The following CNTNAP5 variants were observed in gnomAD, a reference collection of about 807,000 sequenced individuals.
CNTNAP5 encodes contactin associated protein family member 5.
In CNTNAP5, 72 loss-of-function variants were observed where a neutral mutation model predicts 150.2. The ratio of observed to expected loss-of-function variants is 0.48; its 90% confidence interval spans 0.40 to 0.58. The LOEUF (loss-of-function observed/expected upper bound fraction) is 0.58, where lower values mean the gene tolerates loss of function less well. Among genes scored for constraint, CNTNAP5 ranks in the 20% least tolerant of loss-of-function variants. CNTNAP5 has a pLI of 0.00. For synonymous variants in CNTNAP5, 672 were observed against 619.8 expected, an observed-to-expected ratio of 1.08 and a Z score of -1.25; for missense variants, 1,636 against 1,626.2, an observed-to-expected ratio of 1.01 and a Z score of -0.10.
At chr2:124,570,083 T>C (rs890322824) in intron 11 of CNTNAP5, among the ~76,000 whole-genome samples, 2 of 152,126 alleles carry the variant, frequency 1.3e-5, no homozygotes, top group Non-Finnish European at 2.9e-5. Flanking sequence ...TTAGTGGAAA[T>C]TCCATAAGAA....
intron 3 of CNTNAP5, among the ~76,000 whole-genome samples, chr2:124,375,572 G>A (rs1690626890): frequency 6.6e-6 from 1 of 152,108 alleles, no homozygotes; most frequent in South Asian, 2.1e-4. Flanking sequence ...TGGATTGGAA[G>A]CTAAAATTGA....
At chr2:124,432,182 A>G (rs1359498456) in intron 4 of CNTNAP5, among the ~76,000 whole-genome samples, 1 of 152,206 alleles carries the variant, frequency 6.6e-6, no homozygotes, top group Non-Finnish European at 1.5e-5. Flanking sequence ...ATATCTGTCT[A>G]TGGGGGTGGG....
At chr2:124,822,610 C>T (rs1490154513) in intron 19 of CNTNAP5, among the ~76,000 whole-genome samples, 2 of 152,034 alleles carry the variant, frequency 1.3e-5, no homozygotes, top group East Asian at 1.9e-4. Context: ...AGTAAAAAAA[C>T]AAGGCTGCAG....
At chr2:124,309,893 C>T (rs1001778900) in intron 3 of CNTNAP5, among the ~76,000 whole-genome samples, 1 of 152,152 alleles carries the variant, frequency 6.6e-6, no homozygotes, top group Non-Finnish European at 1.5e-5. Flanking sequence ...ACATATTTAT[C>T]CTAAGGGCAT....
At chr2:124,488,208 A>G (rs1271693120) in intron 7 of CNTNAP5, among the ~76,000 whole-genome samples, 1 of 152,200 alleles carries the variant, frequency 6.6e-6, no homozygotes, top group Non-Finnish European at 1.5e-5. Context: ...TTTAGTCTTC[A>G]TTTCAAAAGG....
chr2:124,822,234 C>G (rs1682507094), intron 19 of CNTNAP5, among the ~76,000 whole-genome samples: 3 of 152,252 alleles, frequency 2.0e-5, no homozygotes, highest in South Asian at 2.1e-4. Flanking sequence ...CTTATCAGCC[C>G]TCTTGGAAGG....
intron 12 of CNTNAP5, among the ~76,000 whole-genome samples, chr2:124,619,818 A>C: frequency 7.2e-6 from 1 of 138,980 alleles, no homozygotes; most frequent in Non-Finnish European, 1.5e-5. Context: ...CTGAAAATCA[A>C]TCTCCTTCTC....
chr2:124,911,357 A>T (rs1678650566), intron 22 of CNTNAP5, 110 bp from the exon 23 acceptor site: 2 of 740,210 alleles, frequency 2.7e-6, no homozygotes, highest in South Asian at 1.6e-5. Flanking sequence ...CAACTATTTG[A>T]GGGCACCTGG....
At chr2:124,385,509 A>G (rs1690905136) in intron 3 of CNTNAP5, among the ~76,000 whole-genome samples, 1 of 152,210 alleles carries the variant, frequency 6.6e-6, no homozygotes, top group African/African-American at 2.4e-5. Context: ...TACCTCCCCC[A>G]TAAGACTATA....
intron 2 of CNTNAP5, among the ~76,000 whole-genome samples, chr2:124,234,212 TC>T (rs1450895246): frequency 6.6e-6 from 1 of 152,166 alleles, no homozygotes; most frequent in African/African-American, 2.4e-5. Context: ...TCCACTAGAA[TC>T]CACTAACAAT....
chr2:124,035,776 AG>A (rs1391167213), intron 1 of CNTNAP5, among the ~76,000 whole-genome samples: 1 of 152,194 alleles, frequency 6.6e-6, no homozygotes, highest in African/African-American at 2.4e-5. Context: ...GCATAATCCC[AG>A]GGGCAAAGGC....
At chr2:124,526,306 C>A (rs1300144264) in intron 9 of CNTNAP5, among the ~76,000 whole-genome samples, 1 of 152,164 alleles carries the variant, frequency 6.6e-6, no homozygotes, top group African/African-American at 2.4e-5. Flanking sequence ...AGTCAACTTA[C>A]ATAAATTCTC....
At chr2:124,547,418 C>T (rs1695537365) in intron 10 of CNTNAP5, among the ~76,000 whole-genome samples, 1 of 152,186 alleles carries the variant, frequency 6.6e-6, no homozygotes, top group African/African-American at 2.4e-5. Flanking sequence ...TTTGGGAATT[C>T]TTTCCCGGGA....
intron 1 of CNTNAP5, among the ~76,000 whole-genome samples, chr2:124,147,654 G>A (rs1217589516): frequency 6.6e-6 from 1 of 152,196 alleles, no homozygotes; most frequent in Non-Finnish European, 1.5e-5. Flanking sequence ...TACAGCTCTG[G>A]AGTGGGTTTG....
At chr2:124,574,340 G>C (rs1558960245) in intron 11 of CNTNAP5, among the ~76,000 whole-genome samples, 1 of 152,144 alleles carries the variant, frequency 6.6e-6, no homozygotes, top group Non-Finnish European at 1.5e-5. Context: ...AAGGAAAACT[G>C]TTTTGATTTG....
intron 1 of CNTNAP5, among the ~76,000 whole-genome samples, chr2:124,172,837 C>T (rs558359131): frequency 4.0e-5 from 6 of 151,840 alleles, no homozygotes; most frequent in Non-Finnish European, 5.9e-5. Flanking sequence ...ATTGTTTGCA[C>T]AGTAATATAT....
At chr2:124,353,376 A>AT (rs915087632) in intron 3 of CNTNAP5, among the ~76,000 whole-genome samples, 2 of 147,746 alleles carry the variant, frequency 1.4e-5, no homozygotes, top group Admixed American at 1.4e-4. Flanking sequence ...AAAACTGGAG[A>AT]TTTTTTTTCT....
At chr2:124,712,106 C>A (rs1679820296) in intron 13 of CNTNAP5, among the ~76,000 whole-genome samples, 1 of 152,130 alleles carries the variant, frequency 6.6e-6, no homozygotes, top group South Asian at 2.1e-4. Flanking sequence ...AAAACAATCA[C>A]TGCAAGAGAA....
intron 10 of CNTNAP5, among the ~76,000 whole-genome samples, chr2:124,550,759 A>G (rs1050175056): frequency 1.3e-5 from 2 of 152,110 alleles, no homozygotes; most frequent in Non-Finnish European, 2.9e-5. Context: ...ATTTAATTAT[A>G]TTCTATTTTG....
Sources: allele counts gnomAD v4.1 joint callset (sites outside exome capture counted in the v4.1 genomes callset), GRCh38; gene constraint gnomAD v4.1.1; transcripts MANE v1.5; gene names NCBI Gene and HGNC (gene_info 2026-07-23, HGNC 2026-07-21).